SEPTIN9: variants seen among roughly 807,000 people sequenced by gnomAD.
SEPTIN9 encodes the protein septin-9.
Under a neutral mutation model 56.6 loss-of-function variants are expected in SEPTIN9, and 13 were observed. That is an observed-to-expected ratio of 0.23 (90% confidence interval 0.15 to 0.37). SEPTIN9 has a LOEUF of 0.37. SEPTIN9 is among the 10% of genes least tolerant of loss of function. SEPTIN9 has a pLI of 1.00. For missense variants in SEPTIN9, 650 were observed against 823.1 expected (o/e 0.79, Z 2.57); for synonymous variants, 332 against 334.1 (o/e 0.99, Z 0.07).
chr17:77,329,519 G>A lies in SEPTIN9; in HGVS notation c.76+22322G>A, dbSNP rs893631843. Among the ~76,000 whole-genome samples the A allele has an allele frequency of 5.3e-5, 8 of 152,128 alleles. No homozygotes were observed. The highest frequency in any genetic ancestry group is 1.0e-4 in the Non-Finnish European group (7 of 68,002). ...TGAGGCCAAGGTGGTTTGGATCCTGGGAAGGTTGGGTACCTGGCAGCCTCA... is the reference window on the plus strand; with the variant it reads ...TGAGGCCAAGGTGGTTTGGATCCTGAGAAGGTTGGGTACCTGGCAGCCTCA... On this transcript the variant is annotated intron_variant, in intron 2 of 11. Coordinates refer to ENST00000427177, the MANE Select transcript of SEPTIN9 (RefSeq NM_001113491.2). The surrounding 1 kb of genome is among the most constrained non-coding windows in gnomAD (Gnocchi z 4.3).
chr17:77,350,598 C>G (rs1204232935), intron 2 of SEPTIN9, among the ~76,000 whole-genome samples: 1 of 130,616 alleles, frequency 7.7e-6, no homozygotes, highest in Non-Finnish European at 1.7e-5. Context: ...CCTCTCTTCT[C>G]TCCTCCAGTG....
At chr17:77,358,348 C>T (rs1003103297) in intron 2 of SEPTIN9, among the ~76,000 whole-genome samples, 7 of 152,178 alleles carry the variant, frequency 4.6e-5, no homozygotes, top group African/African-American at 4.8e-5. Flanking sequence ...TGGCTAGGCA[C>T]GGTGGCTCAT....
At chr17:77,439,611 G>T (rs1052995373) in intron 3 of SEPTIN9, among the ~76,000 whole-genome samples, 31 of 151,844 alleles carry the variant, frequency 2.0e-4, no homozygotes, top group African/African-American at 7.2e-4. Flanking sequence ...AGCTGAGTGG[G>T]GATCAGGTGA....
Position 77,429,436 on chromosome 17 carries a change from A to T in SEPTIN9, c.721+26733A>T, listed in dbSNP as rs1568062579. 2 of 389,560 alleles carry T rather than the reference A, an allele frequency of 5.1e-6. No individual in the cohort carries two copies. Among genetic ancestry groups the T allele is most frequent in the Non-Finnish European group, 5.4e-6 (1 of 185,762 alleles). The allele number at this position is 389,560 out of a possible 1,614,324, so 24.1% of individuals were successfully genotyped here. ...GCTCGCCGATTGCATTTGGGGAGGG[A>T]CTGAGGGCTGATTGTGTTGTGGGGA... On this transcript the variant is annotated intron_variant, in intron 3 of 11. Coordinates refer to ENST00000427177, the MANE Select transcript of SEPTIN9 (RefSeq NM_001113491.2). The surrounding 1 kb of genome is among the most constrained non-coding windows in gnomAD (Gnocchi z 5.2).
chr17:77,389,159 G>C lies in SEPTIN9; in HGVS notation c.77-12900G>C, dbSNP rs1297219677. Among the ~76,000 whole-genome samples the C allele has an allele frequency of 6.6e-6, 1 of 152,296 alleles. No individual in the cohort carries two copies. Among genetic ancestry groups the C allele is most frequent in the Admixed American group, 6.5e-5 (1 of 15,302 alleles). On this transcript the variant is annotated intron_variant, in intron 2 of 11. Transcript: ENST00000427177. The surrounding 1 kb of genome is among the most constrained non-coding windows in gnomAD (Gnocchi z 4.3). ...CAGCCTTGCTGGCTCCTCGCAGGGA[G>C]CTGGGATGCATTTCTAAGAGCAGCA...
At chr17:77,478,347 C>G (rs889765761) in intron 3 of SEPTIN9, among the ~76,000 whole-genome samples, 3 of 152,220 alleles carry the variant, frequency 2.0e-5, no homozygotes, top group Non-Finnish European at 4.4e-5. Flanking sequence ...AAAACTAGAA[C>G]CACCGTAGCA....
At chr17:77,416,864 C>A (rs1398738735) in intron 3 of SEPTIN9, among the ~76,000 whole-genome samples, 2 of 152,226 alleles carry the variant, frequency 1.3e-5, no homozygotes, top group Non-Finnish European at 2.9e-5. Flanking sequence ...AACCTCGAGC[C>A]TCCCATGGGC....
At chr17:77,331,985 A>G (rs1214346594) in intron 2 of SEPTIN9, among the ~76,000 whole-genome samples, 1 of 152,196 alleles carries the variant, frequency 6.6e-6, no homozygotes, top group Non-Finnish European at 1.5e-5. Context: ...CATAGAAAAG[A>G]TGAAAGAGGG....
intron 3 of SEPTIN9, among the ~76,000 whole-genome samples, chr17:77,480,181 A>G (rs948855425): frequency 8.5e-5 from 13 of 152,276 alleles, no homozygotes; most frequent in African/African-American, 3.1e-4. Flanking sequence ...TTTCCCAACA[A>G]GGAATTATAT....
rs552852566 is a variant in SEPTIN9 at position 77,400,380 on chromosome 17, C to T, written c.77-1679C>T. Among the ~76,000 whole-genome samples, 24 of 152,262 alleles carry T rather than the reference C, an allele frequency of 1.6e-4. No individual in the cohort carries two copies. Among genetic ancestry groups the T allele is most frequent in the East Asian group, 5.8e-4 (3 of 5,186 alleles). On this transcript the variant is annotated intron_variant, in intron 2 of 11. Coordinates refer to ENST00000427177, the MANE Select transcript of SEPTIN9 (RefSeq NM_001113491.2). This position sits in a 1 kb window ranked among gnomAD's most constrained non-coding sequence, Gnocchi z 4.1. The stretch of plus-strand genomic sequence containing the variant: ...AACTGAGAGTTCTCTGGAGTCCACA[C>T]GGCTCCTTGCCCAGCTTCTGGTGGA...
intron 3 of SEPTIN9, among the ~76,000 whole-genome samples, chr17:77,460,790 G>GGT (rs1177775406): frequency 6.6e-6 from 1 of 152,168 alleles, no homozygotes; most frequent in African/African-American, 2.4e-5. Context: ...CGGGGAGTGG[G>GGT]GTGCCGAGTG....
intron 2 of SEPTIN9, among the ~76,000 whole-genome samples, chr17:77,328,655 C>T (rs372562199): frequency 5.9e-5 from 9 of 152,328 alleles, no homozygotes; most frequent in South Asian, 4.1e-4. Context: ...CATGAGCCAC[C>T]GTGCCTGGCC....
At chr17:77,281,595 G>C in intron 1 of SEPTIN9, 41 bp downstream of exon 1, 1 of 1,526,324 alleles carries the variant, frequency 6.6e-7, no homozygotes, top group Non-Finnish European at 8.8e-7. Flanking sequence ...CGGTGTCCCG[G>C]GACCAGCGCT....
At chr17:77,315,086 G>C (rs1398674088) in intron 2 of SEPTIN9, among the ~76,000 whole-genome samples, 1 of 152,212 alleles carries the variant, frequency 6.6e-6, no homozygotes, top group Non-Finnish European at 1.5e-5. Flanking sequence ...ATTCAGTTTG[G>C]AGTATGAATT....
In SEPTIN9 at chr17:77,329,237, T is replaced by C. The variant is rs1046129307; in HGVS notation, c.76+22040T>C. 1.1e-4 allele frequency among the ~76,000 whole-genome samples: 16 copies of C among 152,178 alleles called. No individual in the cohort carries two copies. The highest frequency in any genetic ancestry group is 2.2e-4 in the Non-Finnish European group (15 of 68,012). Reference sequence around the variant, plus strand: ...CTAGGGAGGAGGCTGCTGCAGGCCCTGCAGCTGGAGAGGGAGGATCAGGAT... The same window carrying C: ...CTAGGGAGGAGGCTGCTGCAGGCCCCGCAGCTGGAGAGGGAGGATCAGGAT... On this transcript the variant is annotated intron_variant, in intron 2 of 11. Transcript: ENST00000427177. The surrounding 1 kb of genome is among the most constrained non-coding windows in gnomAD (Gnocchi z 4.3).
chr17:77,356,226 G>A (rs577806317), intron 2 of SEPTIN9, among the ~76,000 whole-genome samples: 93 of 152,278 alleles, frequency 6.1e-4, no homozygotes, highest in African/African-American at 1.6e-3. Flanking sequence ...CTGGTGCCCA[G>A]CCCGCACCGC....
rs112754935 is a variant in SEPTIN9, at chr17:77,318,495, C to T, written c.76+11298C>T. Among the ~76,000 whole-genome samples the T allele has an allele frequency of 0.028, 4,255 of 152,198 alleles. 160 individuals are homozygous for T. Among genetic ancestry groups the T allele is most frequent in the African/African-American group, 0.09 (3,716 of 41,500 alleles). On this transcript the variant is annotated intron_variant, in intron 2 of 11. Transcript: ENST00000427177. The surrounding 1 kb of genome is among the most constrained non-coding windows in gnomAD (Gnocchi z 4.9). ...GTCTAGGGATTAGGACATGCTATCC[C>T]TGGGGCCATTATTCAGCCTTCTCTC...
At chr17:77,379,853 C>T (rs2035075485) in intron 2 of SEPTIN9, among the ~76,000 whole-genome samples, 2 of 152,186 alleles carry the variant, frequency 1.3e-5, no homozygotes, top group Non-Finnish European at 2.9e-5. Context: ...AACCAAGTTC[C>T]TGTGCTCTCC....
chr17:77,424,274 C>T (rs1439017593), intron 3 of SEPTIN9, among the ~76,000 whole-genome samples: 1 of 152,258 alleles, frequency 6.6e-6, no homozygotes, highest in East Asian at 1.9e-4. Context: ...CTAGAAGCGG[C>T]TGACCCTGGC....
Sources: allele counts gnomAD v4.1 joint callset (sites outside exome capture counted in the v4.1 genomes callset), GRCh38; gene constraint gnomAD v4.1.1; non-coding constraint Gnocchi (gnomAD v3.1); transcripts MANE v1.5; gene names NCBI Gene and HGNC (gene_info 2026-07-23, HGNC 2026-07-21).